Variants in KCNMA1 observed in about 807,000 individuals in gnomAD.
KCNMA1 encodes the protein potassium calcium-activated channel subfamily M alpha 1.
Under a neutral mutation model 140.0 loss-of-function variants are expected in KCNMA1, and 29 were observed. That is an observed-to-expected ratio of 0.21 (90% CI 0.15 to 0.28). The LOEUF (loss-of-function observed/expected upper bound fraction) is 0.28, where lower values mean the gene tolerates loss of function less well. Among genes scored for constraint, KCNMA1 ranks in the 10% least tolerant of loss-of-function variants. The probability of loss-of-function intolerance (pLI) is 1.00; values close to 1 mark genes in which losing one functional copy is unlikely to be tolerated. For synonymous variants in KCNMA1, 612 were observed against 611.9 expected, an observed-to-expected ratio of 1.00 and a Z score of 0.00; for missense variants, 880 against 1,602.2, an observed-to-expected ratio of 0.55 and a Z score of 7.70.
chr10:77,012,856 C>T (rs16934172), intron 17 of KCNMA1, among the ~76,000 whole-genome samples: 59,178 of 152,014 alleles, frequency 0.39, 11,923 homozygotes, highest in Middle Eastern at 0.53. Context: ...TTCCACAGTG[C>T]ATTAGCTGTG....
chr10:77,055,805 C>T (rs1159210437), intron 14 of KCNMA1, among the ~76,000 whole-genome samples: 1 of 152,132 alleles, frequency 6.6e-6, no homozygotes, highest in Non-Finnish European at 1.5e-5. Context: ...AAAAGGAAGA[C>T]CCCAGGGAAC....
chr10:77,291,641 A>G (rs2073286716), intron 2 of KCNMA1, among the ~76,000 whole-genome samples: 1 of 152,206 alleles, frequency 6.6e-6, no homozygotes, highest in Non-Finnish European at 1.5e-5. Context: ...AATAATCAAC[A>G]GAAGGAAATC....
chr10:76,995,630 C>G (rs2084036383), intron 19 of KCNMA1: 2 of 470,882 alleles, frequency 4.2e-6, no homozygotes, highest in Non-Finnish European at 8.8e-6. Context: ...CCACATCTGC[C>G]CTCCACCATG....
intron 5 of KCNMA1, among the ~76,000 whole-genome samples, chr10:77,165,981 TAA>T (rs1300669102): frequency 5.9e-5 from 9 of 152,122 alleles, no homozygotes; most frequent in Admixed American, 4.6e-4. Context: ...GCAGTTGAGC[TAA>T]AGTGAGGTTG....
At chr10:77,067,768 A>C (rs1028236677) in intron 14 of KCNMA1, among the ~76,000 whole-genome samples, 1 of 152,188 alleles carries the variant, frequency 6.6e-6, no homozygotes, top group African/African-American at 2.4e-5. Flanking sequence ...GGCAGACAGA[A>C]AGGTAAAGAA....
rs368230652 is a variant in KCNMA1 at position 76,957,978 on chromosome 10, C to T, written c.2361-4054G>A. On this transcript the variant is annotated intron_variant, in intron 20 of 27. Coordinates refer to ENST00000286628, the MANE Select transcript of KCNMA1 (RefSeq NM_001161352.2). ...AAGTGCCTTAGGCTGGCCTGTGCTG[C>T]AGAGAGATCTCTGGAACAGGTGGAG... is the stretch of plus-strand genomic sequence containing the variant. Among the ~76,000 whole-genome samples, 7 of 152,320 alleles carry T rather than the reference C, an allele frequency of 4.6e-5. No individual in the cohort carries two copies. The South Asian group carries it at 8.3e-4, about 18-fold the overall frequency.
chr10:77,182,525 A>G (rs1470483624), intron 5 of KCNMA1, among the ~76,000 whole-genome samples: 1 of 152,228 alleles, frequency 6.6e-6, no homozygotes, highest in East Asian at 1.9e-4. Flanking sequence ...GGAGGCAGTG[A>G]TGGAGGCAAG....
intron 3 of KCNMA1, among the ~76,000 whole-genome samples, chr10:77,243,658 G>T (rs147339827): frequency 1.3e-5 from 2 of 152,116 alleles, no homozygotes; most frequent in African/African-American, 4.8e-5. Flanking sequence ...GTTTCCACAG[G>T]GGAAACAAGT....
intron 1 of KCNMA1, among the ~76,000 whole-genome samples, chr10:77,538,369 G>C (rs1405095169): frequency 6.6e-6 from 1 of 152,186 alleles, no homozygotes; most frequent in Non-Finnish European, 1.5e-5. Context: ...TGAATCCACT[G>C]TGGTCTCGTG....
intron 16 of KCNMA1, chr10:77,023,059 T>C (rs956607137): frequency 5.2e-6 from 2 of 385,652 alleles, no homozygotes; most frequent in Non-Finnish European, 1.0e-5. Flanking sequence ...CGCAGGGAAA[T>C]GCCTCTATCA....
intron 19 of KCNMA1, among the ~76,000 whole-genome samples, chr10:76,982,328 GAAA>G (rs11317483): frequency 0.68 from 98,567 of 144,328 alleles, 33,933 homozygotes; most frequent in East Asian, 0.89. Flanking sequence ...AATTGTTCAG[GAAA>G]AAAAAAAAAA....
chr10:77,059,257 C>G (rs2095652695), intron 14 of KCNMA1, among the ~76,000 whole-genome samples: 1 of 151,808 alleles, frequency 6.6e-6, no homozygotes, highest in Non-Finnish European at 1.5e-5. Context: ...AGTAGTATTT[C>G]ACTGCCAAAT....
At chr10:77,043,566 A>G (rs1372278580) in intron 14 of KCNMA1, among the ~76,000 whole-genome samples, 1 of 152,222 alleles carries the variant, frequency 6.6e-6, no homozygotes, top group African/African-American at 2.4e-5. Context: ...AGCATTAGTC[A>G]TAATATCTAA....
intron 1 of KCNMA1, chr10:77,636,533 G>A (rs934824166): frequency 2.6e-6 from 4 of 1,536,196 alleles, no homozygotes; most frequent in Non-Finnish European, 3.5e-6. Context: ...CAAAGGAACA[G>A]AGGCCGAAGA....
chr10:77,198,300 T>C (rs1238958543), intron 3 of KCNMA1, among the ~76,000 whole-genome samples: 2 of 152,068 alleles, frequency 1.3e-5, no homozygotes, highest in Non-Finnish European at 2.9e-5. Flanking sequence ...AGGCGTAATG[T>C]AGTGTTGAAG....
At chr10:77,062,842 C>A (rs2095803966) in intron 14 of KCNMA1, among the ~76,000 whole-genome samples, 1 of 152,194 alleles carries the variant, frequency 6.6e-6, no homozygotes, top group Non-Finnish European at 1.5e-5. Flanking sequence ...CAAGACATTT[C>A]TCTTGGAGAA....
intron 23 of KCNMA1, among the ~76,000 whole-genome samples, chr10:76,920,031 TATATATATATATATATATATAC>T (rs1192145959): frequency 1.2e-4 from 13 of 108,484 alleles, no homozygotes; most frequent in African/African-American, 4.1e-4. Flanking sequence ...TATATATATA[TATATATATATATATATATATAC>T]ACACAATATT....
chr10:77,431,849 C>T (rs1469448910), intron 1 of KCNMA1, among the ~76,000 whole-genome samples: 2 of 152,028 alleles, frequency 1.3e-5, no homozygotes, highest in African/African-American at 2.4e-5. Flanking sequence ...AAAAATTAGC[C>T]GGGTGTGGTG....
At chr10:76,877,515 G>A, downstream of KCNMA1, 1 of 349,362 alleles carries the variant, frequency 2.9e-6, no homozygotes, top group African/African-American at 2.1e-5. Flanking sequence ...GGCTATACAT[G>A]ACTATTTTAG....
Sources: allele counts gnomAD v4.1 joint callset (sites outside exome capture counted in the v4.1 genomes callset), GRCh38; gene constraint gnomAD v4.1.1; transcripts MANE v1.5; gene names NCBI Gene and HGNC (gene_info 2026-07-23, HGNC 2026-07-21).